The following MAGI1 variants were observed in gnomAD, a reference collection of about 807,000 sequenced individuals.
The protein encoded by MAGI1 is membrane-associated guanylate kinase, WW and PDZ domain-containing protein 1.
Under a neutral mutation model 139.9 loss-of-function variants are expected in MAGI1, and 58 were observed. That is an observed-to-expected ratio of 0.41 (90% CI 0.34 to 0.52). The LOEUF is 0.52. Among genes scored for constraint, MAGI1 ranks in the 20% least tolerant of loss-of-function variants. The pLI, the probability that MAGI1 is intolerant of heterozygous loss-of-function variation, is 0.12. For missense variants in MAGI1, 1,874 were observed against 1,901.6 expected, an observed-to-expected ratio of 0.99 and a Z score of 0.27; for synonymous variants, 812 against 737.9, an observed-to-expected ratio of 1.10 and a Z score of -1.63.
At chr3:65,624,300 A>C (rs886501313) in intron 1 of MAGI1, among the ~76,000 whole-genome samples, 1 of 150,112 alleles carries the variant, frequency 6.7e-6, no homozygotes, top group East Asian at 1.9e-4. Context: ...CAAGTCCACA[A>C]AAAAAAAAAT....
intron 1 of MAGI1, among the ~76,000 whole-genome samples, chr3:65,893,518 C>T (rs1038605869): frequency 2.0e-5 from 3 of 151,976 alleles, no homozygotes; most frequent in East Asian, 1.9e-4. Context: ...ATTTATTGAG[C>T]GTATCAAGTA....
chr3:65,675,303 T>C (rs1559776356), intron 1 of MAGI1, among the ~76,000 whole-genome samples: 1 of 152,172 alleles, frequency 6.6e-6, no homozygotes, highest in Non-Finnish European at 1.5e-5. Flanking sequence ...CTCCATGGCC[T>C]CCAAATTTCA....
chr3:65,458,286 A>G (rs1278522646), intron 5 of MAGI1, among the ~76,000 whole-genome samples: 1 of 151,812 alleles, frequency 6.6e-6, no homozygotes, highest in African/African-American at 2.4e-5. Context: ...TCTTCAATAT[A>G]CTGATTTCCT....
At chr3:65,885,005 ATT>A (rs2060476037) in intron 1 of MAGI1, among the ~76,000 whole-genome samples, 2 of 152,192 alleles carry the variant, frequency 1.3e-5, no homozygotes, top group Non-Finnish European at 1.5e-5. Context: ...TCATCACATC[ATT>A]GTTTATGAAA....
chr3:65,709,479 G>A (rs141073019), intron 1 of MAGI1, among the ~76,000 whole-genome samples: 2 of 152,164 alleles, frequency 1.3e-5, no homozygotes, highest in South Asian at 2.1e-4. Context: ...AAGAGCCACT[G>A]AATAGAGCAA....
chr3:65,651,848 T>G (rs1167977996), intron 1 of MAGI1, among the ~76,000 whole-genome samples: 1 of 152,196 alleles, frequency 6.6e-6, no homozygotes, highest in Non-Finnish European at 1.5e-5. Context: ...CATCTCAAAG[T>G]GACTACATTT....
In MAGI1 at chr3:65,355,814, G is replaced by C. The variant is rs956248940; in HGVS notation, c.*564C>G. The C allele has an allele frequency of 4.6e-4, 70 of 152,638 alleles. No individual in the cohort carries two copies. The highest frequency in any genetic ancestry group is 1.7e-3 in the African/African-American group (69 of 41,444). The allele number at this position is 152,638 out of a possible 1,614,324, so 9.5% of individuals were successfully genotyped here. A position where few individuals can be genotyped will look rare whatever the true frequency, so the allele number is the denominator to read the frequency against. On this transcript the variant is annotated 3_prime_UTR_variant, in exon 23 of 23. Coordinates refer to ENST00000402939, the MANE Select transcript of MAGI1 (RefSeq NM_001033057.2). ...TAAATATCCTTCATTTGCAATAGTA[G>C]TCTTGTCATACAGTTTGCTTACTTT...
Position 65,979,093 on chromosome 3 carries a change from C to CG in MAGI1, c.313+58902_313+58903insC, listed in dbSNP as rs1008868460. Reference sequence around the variant, plus strand: ...CCAAAGTTTTTTTCTTTTCTTCCCCCCCCCCGCCACCCCCCACAGCTACTC... The same window carrying CG: ...CCAAAGTTTTTTTCTTTTCTTCCCCCGCCCCCGCCACCCCCCACAGCTACTC... On this transcript the variant is annotated intron_variant, in intron 1 of 22. Transcript: ENST00000402939. Among the ~76,000 whole-genome samples, 69 of 51,542 alleles carry CG rather than the reference C, an allele frequency of 1.3e-3. 4 individuals carry two copies. The South Asian group carries it at 0.018, about 14-fold the overall frequency. 33.8% of individuals were successfully genotyped at this position (51,542 alleles called of 152,430 possible).
chr3:65,992,973 C>T (rs770841568), intron 1 of MAGI1, among the ~76,000 whole-genome samples: 12 of 151,982 alleles, frequency 7.9e-5, no homozygotes, highest in Non-Finnish European at 1.5e-4. Flanking sequence ...TACAGGCACA[C>T]GCCATCATGC....
At chr3:66,022,040 T>C (rs774632911) in intron 1 of MAGI1, among the ~76,000 whole-genome samples, 1 of 152,122 alleles carries the variant, frequency 6.6e-6, no homozygotes, top group African/African-American at 2.4e-5. Flanking sequence ...CGAATGTCTC[T>C]TTCCCCTCTG....
intron 2 of MAGI1, among the ~76,000 whole-genome samples, chr3:65,527,862 A>T (rs1180796317): frequency 2.6e-5 from 4 of 151,342 alleles, no homozygotes; most frequent in African/African-American, 7.3e-5. Context: ...TTGCGAGATC[A>T]TGCCACTGCA....
At chr3:65,416,824 G>C (rs1410013316) in intron 12 of MAGI1, among the ~76,000 whole-genome samples, 1 of 152,098 alleles carries the variant, frequency 6.6e-6, no homozygotes, top group African/African-American at 2.4e-5. Flanking sequence ...GAACCAAAAA[G>C]GATTATGTTC....
chr3:65,375,378 G>A (rs1240450220), intron 18 of MAGI1, among the ~76,000 whole-genome samples: 4 of 151,710 alleles, frequency 2.6e-5, no homozygotes, highest in African/African-American at 7.3e-5. Context: ...TAGTACAGAC[G>A]GGGTTCCACC....
chr3:65,547,281 A>G (rs1209606519), intron 2 of MAGI1, among the ~76,000 whole-genome samples: 1 of 152,212 alleles, frequency 6.6e-6, no homozygotes, highest in African/African-American at 2.4e-5. Flanking sequence ...CCTAAGCGAT[A>G]GAGCTGAATG....
intron 2 of MAGI1, among the ~76,000 whole-genome samples, chr3:65,543,452 G>A (rs1281492366): frequency 6.6e-6 from 1 of 152,130 alleles, no homozygotes; most frequent in African/African-American, 2.4e-5. Flanking sequence ...ACAGGCTCAC[G>A]TATATTTATT....
chr3:65,960,024 G>C (rs942251277), intron 1 of MAGI1, among the ~76,000 whole-genome samples: 5 of 150,824 alleles, frequency 3.3e-5, no homozygotes, highest in African/African-American at 1.2e-4. Flanking sequence ...AGCCAGGATG[G>C]TCTCGACCTC....
In MAGI1 at chr3:66,038,584, T is replaced by G. The variant is rs1295015780; in HGVS notation, c.-276A>C. Reference sequence around the variant, plus strand: ...GGGTCCACGTTCCGGCGCCCGCCCGTGCTCTCCCGGACCAGAGTCCACTCT... The same window carrying G: ...GGGTCCACGTTCCGGCGCCCGCCCGGGCTCTCCCGGACCAGAGTCCACTCT... On this transcript the variant is annotated 5_prime_UTR_variant, in exon 1 of 23. Transcript: ENST00000402939. 1.1e-5 allele frequency: 5 copies of G among 438,580 alleles called. No homozygotes were observed. Among genetic ancestry groups the G allele is most frequent in the Non-Finnish European group, 2.0e-5 (5 of 251,156 alleles). 27.2% of individuals were successfully genotyped at this position (438,580 alleles called of 1,614,324 possible). A position where few individuals can be genotyped will look rare whatever the true frequency, so the allele number is the denominator to read the frequency against.
At chr3:65,763,610 C>CTAA (rs2037216669) in intron 1 of MAGI1, among the ~76,000 whole-genome samples, 1 of 152,058 alleles carries the variant, frequency 6.6e-6, no homozygotes, top group Admixed American at 6.6e-5. Context: ...CACAAAGCTG[C>CTAA]TAAGCACAAG....
chr3:65,675,686 T>C (rs551291588), intron 1 of MAGI1, among the ~76,000 whole-genome samples: 8 of 152,228 alleles, frequency 5.3e-5, no homozygotes, highest in Non-Finnish European at 8.8e-5. Context: ...CATGTACCTC[T>C]AGTTTATGAA....
Sources: gnomAD v4.1 joint callset for allele counts (sites outside exome capture counted in the v4.1 genomes callset) on GRCh38, gnomAD v4.1.1 for gene constraint, MANE v1.5 for transcripts, NCBI Gene and HGNC (gene_info 2026-07-23, HGNC 2026-07-21) for gene names.